QRICH1: variants seen among roughly 807,000 people sequenced by gnomAD.
QRICH1 encodes glutamine rich 1.
A neutral mutation model predicts 87.1 loss-of-function variants in QRICH1; 16 were observed. The observed-to-expected ratio is 0.18, with a 90% CI of 0.12 to 0.28. QRICH1 has a LOEUF of 0.28. Among genes scored for constraint, QRICH1 ranks in the 10% least tolerant of loss-of-function variants. The pLI, the probability that QRICH1 is intolerant of heterozygous loss-of-function variation, is 1.00. For missense variants in QRICH1, 647 were observed against 951.7 expected (o/e 0.68, Z 4.21); for synonymous variants, 367 against 368.4 (o/e 1.00, Z 0.05).
At position 49,030,263 on chromosome 3, in the gene QRICH1, T is replaced by G. The variant is rs573941893; in HGVS notation, c.*189A>C. The G allele has an allele frequency of 1.7e-6, 1 of 589,012 alleles. No homozygotes were observed. Among genetic ancestry groups the G allele is most frequent in the East Asian group, 3.0e-5 (1 of 32,828 alleles). The allele number at this position is 589,012 out of a possible 1,614,324, so 36.5% of individuals were successfully genotyped here. A position where few individuals can be genotyped will look rare whatever the true frequency, so the allele number is the denominator to read the frequency against. On this transcript the variant is annotated 3_prime_UTR_variant, in exon 10 of 10. Coordinates refer to ENST00000395443, the MANE Select transcript of QRICH1 (RefSeq NM_198880.3). ...CAGAGCCACCATCGGCTGAGGAGTC[T>G]GCCGCAGCAGGTTTATGAAGATGCA... is the stretch of plus-strand genomic sequence containing the variant.
chr3:49,047,325 T>C, intron 3 of QRICH1, 79 bp from the exon 4 acceptor site: 2 of 1,308,722 alleles, frequency 1.5e-6, no homozygotes, highest in African/African-American at 1.5e-5. Flanking sequence ...AAAAATGTTA[T>C]GTATAGTTCA....
chr3:49,060,042 G>A (rs1282519358), intron 2 of QRICH1, among the ~76,000 whole-genome samples: 6 of 151,634 alleles, frequency 4.0e-5, no homozygotes, highest in African/African-American at 1.5e-4. Context: ...GTGCCACCAC[G>A]CCCGGCTGAT....
chr3:49,065,933 T>C (rs2093465869), intron 2 of QRICH1, among the ~76,000 whole-genome samples: 1 of 152,172 alleles, frequency 6.6e-6, no homozygotes, highest in Admixed American at 6.6e-5. Flanking sequence ...TCTGCCTGCC[T>C]TGGCCTCCCA....
chr3:49,032,270 G>A lies in QRICH1; in HGVS notation c.2051C>T (p.Thr684Ile), dbSNP rs959918346. The A allele has an allele frequency of 6.2e-7, 1 of 1,601,880 alleles. No individual in the cohort carries two copies. The highest frequency in any genetic ancestry group is 8.5e-7 in the Non-Finnish European group (1 of 1,171,880). The change falls in exon 9 of 10, where the codon ACA (threonine) becomes ATA (isoleucine). Residue 684 changes from threonine to isoleucine, a missense_variant. Thr to Ile is a moderately conservative substitution (Grantham distance 89). This residue lies in a region of QRICH1 where 187 missense variants were observed against 309.5 expected (regional missense o/e 0.60). Transcript: ENST00000395443. ...CGTCTGTTCTGCATACATGTCATCTGTAACTATAAAACACACATCCCCACC... is the reference window on the plus strand; with the variant it reads ...CGTCTGTTCTGCATACATGTCATCTATAACTATAAAACACACATCCCCACC... Reference protein sequence around the residue: ...LGIHQTGQKVTDDMYAEQTEN... With the variant: ...LGIHQTGQKVIDDMYAEQTEN...
intron 2 of QRICH1, among the ~76,000 whole-genome samples, chr3:49,063,614 C>A (rs1466064316): frequency 6.6e-6 from 1 of 152,072 alleles, no homozygotes; most frequent in African/African-American, 2.4e-5. Flanking sequence ...CATAGTGACA[C>A]CCCTATCTCT....
At chr3:49,053,830 T>C (rs2093385988) in intron 3 of QRICH1, among the ~76,000 whole-genome samples, 1 of 152,310 alleles carries the variant, frequency 6.6e-6, no homozygotes, top group South Asian at 2.1e-4. Context: ...CTGTGGCAGA[T>C]GAAGGAACAC....
intron 3 of QRICH1, among the ~76,000 whole-genome samples, chr3:49,053,724 A>C (rs1393904360): frequency 6.6e-6 from 1 of 152,160 alleles, no homozygotes; most frequent in Non-Finnish European, 1.5e-5. Context: ...GGGGCCACAG[A>C]TGGCGGTTGG....
intron 7 of QRICH1, 67 bp from the exon 8 acceptor site, chr3:49,032,840 C>T (rs2093250353): frequency 6.0e-6 from 9 of 1,509,848 alleles, no homozygotes; most frequent in African/African-American, 1.4e-5. Flanking sequence ...TCATCCTCTG[C>T]CCACTGGTGC....
intron 1 of QRICH1, 123 bp downstream of exon 1, chr3:49,093,789 G>C (rs1020545933): frequency 5.1e-5 from 18 of 352,580 alleles, no homozygotes; most frequent in Non-Finnish European, 9.1e-5. Context: ...CTCCGGAGCC[G>C]CCCCGAACTC....
intron 2 of QRICH1, among the ~76,000 whole-genome samples, chr3:49,063,726 C>A (rs1345629426): frequency 1.2e-4 from 19 of 152,176 alleles, no homozygotes; most frequent in Non-Finnish European, 2.2e-4. Flanking sequence ...GAGATTGAGG[C>A]TGCAGTGAAC....
chr3:49,057,072 C>A lies in QRICH1; in HGVS notation c.1128G>T (p.Val376=), dbSNP rs1025137616. The A allele has an allele frequency of 6.2e-7, 1 of 1,614,240 alleles. No individual in the cohort carries two copies. The highest frequency in any genetic ancestry group is 8.5e-7 in the Non-Finnish European group (1 of 1,180,050). Reference sequence around the variant, plus strand: ...GAAAGAGAGAGTTTGCAAGGGTCTGCACTACCTCTTCATGGGAGTTTTTCA... The same window carrying A: ...GAAAGAGAGAGTTTGCAAGGGTCTGAACTACCTCTTCATGGGAGTTTTTCA... ...SVVKNSHEEV[V]QTLANSLFPA... is the part of the protein sequence containing the mutation. Residue 376 remains valine, a synonymous_variant, in exon 3 of 10, where the codon GTG becomes GTT. Coordinates refer to ENST00000395443, the MANE Select transcript of QRICH1 (RefSeq NM_198880.3). The surrounding 1 kb of genome is among the most constrained non-coding windows in gnomAD (Gnocchi z 5.4).
At chr3:49,083,781 T>A (rs889802465) in intron 1 of QRICH1, among the ~76,000 whole-genome samples, 1 of 151,134 alleles carries the variant, frequency 6.6e-6, no homozygotes, top group Non-Finnish European at 1.5e-5. Context: ...AAAAAAAAAT[T>A]AGCCAGGTGT....
At chr3:49,072,324 T>G (rs1346983446) in intron 2 of QRICH1, among the ~76,000 whole-genome samples, 1 of 151,504 alleles carries the variant, frequency 6.6e-6, no homozygotes, top group East Asian at 1.9e-4. Context: ...AATGAGTAAA[T>G]CTCAGCCTGG....
At chr3:49,091,232 T>A (rs1179244513) in intron 1 of QRICH1, among the ~76,000 whole-genome samples, 1 of 151,936 alleles carries the variant, frequency 6.6e-6, no homozygotes, top group African/African-American at 2.4e-5. Flanking sequence ...CAAAAAATAA[T>A]AATAAAAATA....
At chr3:49,052,501 G>A (rs1419704428) in intron 3 of QRICH1, among the ~76,000 whole-genome samples, 1 of 151,954 alleles carries the variant, frequency 6.6e-6, no homozygotes, top group Non-Finnish European at 1.5e-5. Flanking sequence ...TCTCAATTCT[G>A]CCCCTTTTTT....
chr3:49,092,105 T>A (rs1349003630), intron 1 of QRICH1, among the ~76,000 whole-genome samples: 2 of 151,952 alleles, frequency 1.3e-5, no homozygotes, highest in Non-Finnish European at 2.9e-5. Flanking sequence ...TTTAAGTGTA[T>A]CCTAGAAAAA....
chr3:49,069,104 A>ATTTT lies in QRICH1; in HGVS notation c.309+7604_309+7605insAAAA, dbSNP rs201458261. 1.1e-3 allele frequency among the ~76,000 whole-genome samples: 110 copies of ATTTT among 103,056 alleles called. 1 individual carries two copies. The highest frequency in any genetic ancestry group is 3.8e-3 in the African/African-American group (86 of 22,740). The allele number at this position is 103,056 out of a possible 152,430, so 67.6% of individuals were successfully genotyped here. ...AAAATTTATTATTATTATTATTATTATTATTTTTTTTTTTTTTTTGAGATA... is the reference window on the plus strand; with the variant it reads ...AAAATTTATTATTATTATTATTATTATTTTTTATTTTTTTTTTTTTTTTGAGATA... On this transcript the variant is annotated intron_variant, in intron 2 of 9. Transcript: ENST00000395443.
Position 49,057,630 on chromosome 3 carries a change from G to A in QRICH1, c.570C>T (p.Ile190=), listed in dbSNP as rs1487594735. The A allele has an allele frequency of 3.1e-6, 5 of 1,614,110 alleles. No individual in the cohort carries two copies. The African/African-American group carries it at 5.3e-5, about 17-fold the overall frequency. ...IQAAEIPEEH[I]PHQQIQAQLV... ...GCTGAGCCTGGATTTGCTGATGTGG[G>A]ATGTGCTCCTCCGGGATTTCTGCAG... The change falls in exon 3 of 10, where the codon ATC becomes ATT. Residue 190 remains isoleucine (I), a synonymous_variant. Transcript: ENST00000395443. The surrounding 1 kb of genome is among the most constrained non-coding windows in gnomAD (Gnocchi z 5.4).
chr3:49,061,524 C>G (rs561366109), intron 2 of QRICH1, among the ~76,000 whole-genome samples: 31 of 152,184 alleles, frequency 2.0e-4, no homozygotes, highest in Non-Finnish European at 3.8e-4. Flanking sequence ...ATTACCCTAA[C>G]CACAAGTAGG....
Sources: gnomAD v4.1 joint callset for allele counts (sites outside exome capture counted in the v4.1 genomes callset) on GRCh38, gnomAD v4.1.1 for gene constraint, gnomAD v4.1.1 regional missense constraint, Gnocchi (gnomAD v3.1) non-coding constraint, MANE v1.5 for transcripts, NCBI Gene and HGNC (gene_info 2026-07-23, HGNC 2026-07-21) for gene names.